The following CTNNA3 variants were observed in gnomAD, a reference collection of about 807,000 sequenced individuals.
CTNNA3 encodes catenin alpha 3, also known as catenin alpha-3.
In CTNNA3, 76 loss-of-function variants were observed where a neutral mutation model predicts 95.7. The ratio of observed to expected loss-of-function variants is 0.79; its 90% confidence interval spans 0.66 to 0.96. CTNNA3 has a LOEUF of 0.96. CTNNA3 is among the 40% of genes least tolerant of loss of function. The pLI, the probability that CTNNA3 is intolerant of heterozygous loss-of-function variation, is 0.00. For missense variants in CTNNA3, 1,191 were observed against 1,089.8 expected (o/e 1.09, Z -1.31); for synonymous variants, 431 against 374.4 (o/e 1.15, Z -1.74).
At chr10:67,151,897 T>A (rs534806322) in intron 7 of CTNNA3, among the ~76,000 whole-genome samples, 7 of 152,228 alleles carry the variant, frequency 4.6e-5, no homozygotes, top group Non-Finnish European at 1.0e-4. Flanking sequence ...CCCTAGGGGA[T>A]AACATGCTGT....
chr10:66,130,790 A>T (rs1257759211), intron 13 of CTNNA3, among the ~76,000 whole-genome samples: 1 of 150,466 alleles, frequency 6.6e-6, no homozygotes, highest in African/African-American at 2.4e-5. Context: ...CGGGAGGTGG[A>T]GGTTGCAGTA....
At chr10:66,134,907 G>A (rs2083278535) in intron 13 of CTNNA3, among the ~76,000 whole-genome samples, 1 of 152,036 alleles carries the variant, frequency 6.6e-6, no homozygotes, top group African/African-American at 2.4e-5. Flanking sequence ...TACACTCTTG[G>A]TTGGAAATAT....
chr10:65,937,757 A>G (rs908719833), intron 17 of CTNNA3, among the ~76,000 whole-genome samples: 3 of 152,162 alleles, frequency 2.0e-5, no homozygotes, highest in Admixed American at 2.0e-4. Context: ...CTCTAATTGT[A>G]CTTGATTGTT....
intron 16 of CTNNA3, among the ~76,000 whole-genome samples, chr10:65,971,531 CTA>C (rs2078102373): frequency 6.6e-6 from 1 of 151,672 alleles, no homozygotes; most frequent in Non-Finnish European, 1.5e-5. Flanking sequence ...GCCTCAGAAA[CTA>C]TTGGGAACAC....
chr10:66,928,256 C>T (rs1164365626), intron 7 of CTNNA3: 1 of 1,614,044 alleles, frequency 6.2e-7, no homozygotes, highest in Non-Finnish European at 8.5e-7. Flanking sequence ...CGGTACCCTG[C>T]GAGCATGAAG....
rs573464262 is a variant in CTNNA3 at position 66,639,110 on chromosome 10, A to AT, written c.1282-17327dup. Among the ~76,000 whole-genome samples the AT allele has an allele frequency of 2.4e-3, 364 of 152,264 alleles. 3 individuals are homozygous for AT. The highest frequency in any genetic ancestry group is 8.3e-3 in the African/African-American group (346 of 41,538). The stretch of plus-strand genomic sequence containing the variant: ...AGTAAATTGAATAGAATATTTTGCT[A>AT]TAATGCAGTAAGTGTACCTGAAATC... On this transcript the variant is annotated intron_variant, in intron 9 of 17. Coordinates refer to ENST00000433211, the MANE Select transcript of CTNNA3 (RefSeq NM_013266.4).
chr10:67,717,100 G>C (rs771427000), intron 1 of CTNNA3, among the ~76,000 whole-genome samples: 3 of 151,962 alleles, frequency 2.0e-5, no homozygotes, highest in African/African-American at 4.8e-5. Context: ...TCACATGTTT[G>C]TTGGCCAATA....
intron 5 of CTNNA3, among the ~76,000 whole-genome samples, chr10:67,352,704 C>A (rs937578204): frequency 3.3e-5 from 5 of 151,902 alleles, no homozygotes; most frequent in African/African-American, 1.2e-4. Context: ...AGTACTCTCA[C>A]AACGGATTAA....
intron 7 of CTNNA3, among the ~76,000 whole-genome samples, chr10:67,042,534 G>T (rs986099787): frequency 1.3e-5 from 2 of 151,964 alleles, no homozygotes; most frequent in Admixed American, 6.6e-5. Flanking sequence ...TGTGGCAGTG[G>T]ATCAAATAGT....
intron 5 of CTNNA3, among the ~76,000 whole-genome samples, chr10:67,370,325 T>C (rs1843377811): frequency 6.6e-6 from 1 of 152,176 alleles, no homozygotes; most frequent in South Asian, 2.1e-4. Context: ...TGATATATAA[T>C]TTATTTCTGA....
At chr10:67,117,361 G>T (rs1260768518) in intron 7 of CTNNA3, among the ~76,000 whole-genome samples, 1 of 151,982 alleles carries the variant, frequency 6.6e-6, no homozygotes, top group Non-Finnish European at 1.5e-5. Context: ...AGGAATGTCA[G>T]CCAACATTCC....
chr10:66,789,450 C>T, intron 7 of CTNNA3, among the ~76,000 whole-genome samples: 1 of 152,142 alleles, frequency 6.6e-6, no homozygotes, highest in East Asian at 1.9e-4. Context: ...GCTGGGATTA[C>T]AGGTGTGAGC....
rs929509749 is a variant in CTNNA3 at position 67,562,010 on chromosome 10, C to A, written c.293-22341G>T. On this transcript the variant is annotated intron_variant, in intron 3 of 17. Transcript: ENST00000433211. ...TGGCAATAATCAATAGCTTACCAAC[C>A]AAAAAGAGTCCAGGACCAGATGGAT... Among the ~76,000 whole-genome samples, 5 of 152,168 alleles carry A rather than the reference C, an allele frequency of 3.3e-5. No individual in the cohort carries two copies. In the East Asian group the frequency reaches 9.7e-4, roughly 29 times the overall value.
chr10:67,727,479 ATATAT>A (rs1191029086), intron 1 of CTNNA3, among the ~76,000 whole-genome samples: 3 of 132,316 alleles, frequency 2.3e-5, no homozygotes, highest in Non-Finnish European at 3.1e-5. Flanking sequence ...TTATATATTT[ATATAT>A]TATATTAAAC....
At chr10:67,059,407 A>AT (rs1855627132) in intron 7 of CTNNA3, among the ~76,000 whole-genome samples, 1 of 152,184 alleles carries the variant, frequency 6.6e-6, no homozygotes, top group Admixed American at 6.6e-5. Flanking sequence ...ATTGAAAACA[A>AT]TTAATTGCAA....
chr10:65,929,236 T>C lies in CTNNA3; in HGVS notation c.2401-8619A>G, dbSNP rs541238400. ...TTTTTTGTGTCTGCATAGTTTTCCA[T>C]GGTGTATATGTGCCACATTTTCTTA... On this transcript the variant is annotated intron_variant, in intron 17 of 17. Coordinates refer to ENST00000433211, the MANE Select transcript of CTNNA3 (RefSeq NM_013266.4). Among the ~76,000 whole-genome samples the C allele has an allele frequency of 7.2e-5, 11 of 152,270 alleles. No homozygotes were observed. The South Asian group carries it at 2.1e-3, about 29-fold the overall frequency.
chr10:66,572,005 A>T (rs967457223), intron 10 of CTNNA3, among the ~76,000 whole-genome samples: 1 of 152,136 alleles, frequency 6.6e-6, no homozygotes, highest in African/African-American at 2.4e-5. Context: ...TAACCACTAT[A>T]CATATTTGCC....
chr10:67,727,179 ATT>A (rs1841239326), intron 1 of CTNNA3, among the ~76,000 whole-genome samples: 1 of 125,798 alleles, frequency 7.9e-6, no homozygotes, highest in African/African-American at 3.0e-5. Context: ...TGATACATAT[ATT>A]ATATATATTA....
At chr10:67,751,889 G>A (rs1638880380) in intron 1 of CTNNA3, among the ~76,000 whole-genome samples, 1 of 148,704 alleles carries the variant, frequency 6.7e-6, no homozygotes, top group African/African-American at 2.5e-5. Context: ...AATTCAACCA[G>A]AGGTTCAAAG....
Sources: allele counts gnomAD v4.1 joint callset (sites outside exome capture counted in the v4.1 genomes callset), GRCh38; gene constraint gnomAD v4.1.1; transcripts MANE v1.5; gene names NCBI Gene and HGNC (gene_info 2026-07-23, HGNC 2026-07-21).